The following FER1L6 variants were observed in gnomAD, a reference collection of about 807,000 sequenced individuals.
FER1L6 encodes fer-1 like family member 6.
FER1L6 carries 177 observed loss-of-function variants against 219.2 expected under a neutral mutation model. The observed-to-expected ratio is 0.81, with a 90% CI of 0.71 to 0.91. The LOEUF (loss-of-function observed/expected upper bound fraction) is 0.91, where lower values mean the gene tolerates loss of function less well. Among genes scored for constraint, FER1L6 ranks in the 40% least tolerant of loss-of-function variants. The pLI, the probability that FER1L6 is intolerant of heterozygous loss-of-function variation, is 0.00. For synonymous variants in FER1L6, 768 were observed against 824.3 expected, an observed-to-expected ratio of 0.93 and a Z score of 1.17; for missense variants, 2,153 against 2,259.9, an observed-to-expected ratio of 0.95 and a Z score of 0.96.
At chr8:124,064,686 C>A in intron 26 of FER1L6, 113 bp downstream of exon 26, 1 of 877,166 alleles carries the variant, frequency 1.1e-6, no homozygotes, top group Non-Finnish European at 1.8e-6. Flanking sequence ...CTTCACATTT[C>A]TGAGTATCGG....
At chr8:123,967,337 G>A (rs1040808372) in intron 5 of FER1L6, among the ~76,000 whole-genome samples, 2 of 152,118 alleles carry the variant, frequency 1.3e-5, no homozygotes, top group East Asian at 3.9e-4. Context: ...ACAAAACAAT[G>A]TATCTTGAAA....
intron 22 of FER1L6, among the ~76,000 whole-genome samples, chr8:124,051,891 T>C (rs1005740650): frequency 6.6e-6 from 1 of 152,004 alleles, no homozygotes; most frequent in African/African-American, 2.4e-5. Context: ...AGGGAGAAAA[T>C]TTTGAGGATG....
chr8:123,973,719 T>C (rs980406349), intron 7 of FER1L6, among the ~76,000 whole-genome samples: 3 of 151,830 alleles, frequency 2.0e-5, no homozygotes, highest in African/African-American at 7.3e-5. Flanking sequence ...TTCTGGGGAG[T>C]TTTTTTTCTC....
At chr8:124,030,814 C>A (rs1818925936) in intron 18 of FER1L6, among the ~76,000 whole-genome samples, 1 of 152,048 alleles carries the variant, frequency 6.6e-6, no homozygotes, top group South Asian at 2.1e-4. Flanking sequence ...TAATACTGAC[C>A]AACTCCAACA....
rs1816019403 is a variant in FER1L6 at position 123,975,270 on chromosome 8, G to C, written c.647G>C (p.Ser216Thr). 1 of 1,612,672 alleles carries C rather than the reference G, an allele frequency of 6.2e-7. No homozygotes were observed. The highest frequency in any genetic ancestry group is 1.7e-4 in the Middle Eastern group (1 of 5,964). ...GGAAAAGGTGATGTCTTGAAGACCAGCCCTAAAACTTCTGACACCGAGGAG... is the reference window on the plus strand; with the variant it reads ...GGAAAAGGTGATGTCTTGAAGACCACCCCTAAAACTTCTGACACCGAGGAG... ...VMGKGDVLKT[S>T]PKTSDTEEPI... The change falls in exon 8 of 41, where the codon AGC becomes ACC. Residue 216 changes from serine to threonine, a missense_variant. Physicochemically the swap from Ser to Thr is moderately conservative, Grantham distance 58. Coordinates refer to ENST00000522917, the MANE Select transcript of FER1L6 (RefSeq NM_001039112.2).
At chr8:124,078,364 C>T (rs1362120021) in intron 32 of FER1L6, among the ~76,000 whole-genome samples, 1 of 152,166 alleles carries the variant, frequency 6.6e-6, no homozygotes, top group African/African-American at 2.4e-5. Flanking sequence ...ATTGTCTCCA[C>T]CACCTTGATA....
At chr8:124,083,482 G>A (rs934553592) in intron 33 of FER1L6, among the ~76,000 whole-genome samples, 1 of 152,016 alleles carries the variant, frequency 6.6e-6, no homozygotes, top group Non-Finnish European at 1.5e-5. Flanking sequence ...TGAAGAGACT[G>A]TCCTTTCTCT....
At chr8:123,868,518 T>A (rs1394678455) in intron 1 of FER1L6, among the ~76,000 whole-genome samples, 1 of 152,120 alleles carries the variant, frequency 6.6e-6, no homozygotes, top group African/African-American at 2.4e-5. Flanking sequence ...ATAATGAAAA[T>A]GCATTCTAAA....
At chr8:124,069,158 G>C (rs1484385555) in intron 28 of FER1L6, among the ~76,000 whole-genome samples, 1 of 151,758 alleles carries the variant, frequency 6.6e-6, no homozygotes, top group Non-Finnish European at 1.5e-5. Context: ...GGATGGTCTC[G>C]ATCTCCTGAC....
At chr8:124,018,330 G>A (rs1586597391) in intron 16 of FER1L6, among the ~76,000 whole-genome samples, 1 of 152,216 alleles carries the variant, frequency 6.6e-6, no homozygotes, top group Non-Finnish European at 1.5e-5. Flanking sequence ...ATTACTCAGT[G>A]CTTGACTTCT....
chr8:124,112,451 C>T (rs756273683), intron 39 of FER1L6, among the ~76,000 whole-genome samples: 8 of 152,200 alleles, frequency 5.3e-5, no homozygotes, highest in Non-Finnish European at 8.8e-5. Flanking sequence ...GGAATATCTA[C>T]GACCATGTTC....
Position 124,076,313 on chromosome 8 carries a change from C to G in FER1L6, c.4208C>G (p.Pro1403Arg), listed in dbSNP as rs751422284. The G allele has an allele frequency of 1.2e-6, 2 of 1,613,502 alleles. No individual in the cohort carries two copies. Among genetic ancestry groups the G allele is most frequent in the Non-Finnish European group, 1.7e-6 (2 of 1,179,476 alleles). ...AAATACATCCCTAAACAACTGAACC[C>G]AGTATTTGGAAGGTCAGTGGCCATC... Reference protein sequence around the residue: ...RDKYIPKQLNPVFGRSFEIQA... With the variant: ...RDKYIPKQLNRVFGRSFEIQA... The change falls in exon 32 of 41, where the codon CCA (proline) becomes CGA (arginine). Residue 1403 changes from proline (P) to arginine (R), a missense_variant. Physicochemically the swap from Pro to Arg is moderately radical, Grantham distance 103. Coordinates refer to ENST00000522917, the MANE Select transcript of FER1L6 (RefSeq NM_001039112.2).
chr8:124,018,916 C>G (rs1439097444), intron 16 of FER1L6, among the ~76,000 whole-genome samples: 1 of 152,212 alleles, frequency 6.6e-6, no homozygotes, highest in African/African-American at 2.4e-5. Flanking sequence ...GATTCTGCCT[C>G]TTAATGACTC....
intron 21 of FER1L6, 169 bp downstream of exon 21, chr8:124,046,070 A>T (rs1819718826): frequency 1.6e-6 from 1 of 621,064 alleles, no homozygotes; most frequent in African/African-American, 1.8e-5. Context: ...AACCAAAAAG[A>T]TTGGTGATGA....
chr8:124,024,894 C>G (rs1015181536), intron 18 of FER1L6, among the ~76,000 whole-genome samples: 5 of 152,194 alleles, frequency 3.3e-5, no homozygotes, highest in African/African-American at 1.2e-4. Flanking sequence ...TTAATAATGG[C>G]CATTCTAGCT....
At chr8:124,015,714 T>A (rs1274405168) in intron 15 of FER1L6, among the ~76,000 whole-genome samples, 1 of 150,780 alleles carries the variant, frequency 6.6e-6, no homozygotes, top group Non-Finnish European at 1.5e-5. Flanking sequence ...TATGAGCAAA[T>A]TAAAAGCTCA....
chr8:124,079,836 A>G (rs574153832), intron 32 of FER1L6, among the ~76,000 whole-genome samples: 1 of 152,174 alleles, frequency 6.6e-6, no homozygotes, highest in Non-Finnish European at 1.5e-5. Context: ...AGTTCTGCAG[A>G]TCTGGAGCAG....
intron 18 of FER1L6, among the ~76,000 whole-genome samples, chr8:124,032,727 C>T (rs1054321154): frequency 1.6e-5 from 2 of 127,622 alleles, no homozygotes; most frequent in Non-Finnish European, 3.2e-5. Flanking sequence ...GGTGACAGAG[C>T]GTGATTCTAT....
intron 1 of FER1L6, among the ~76,000 whole-genome samples, chr8:123,898,715 GTA>G (rs1024261256): frequency 2.9e-5 from 4 of 139,000 alleles, no homozygotes; most frequent in African/African-American, 8.2e-5. Flanking sequence ...ACGTATATAC[GTA>G]TATGTGTATA....
Sources: allele counts gnomAD v4.1 joint callset (sites outside exome capture counted in the v4.1 genomes callset), GRCh38; gene constraint gnomAD v4.1.1; transcripts MANE v1.5; gene names NCBI Gene and HGNC (gene_info 2026-07-23, HGNC 2026-07-21).